The following TSPAN18 variants were observed in gnomAD, a reference collection of about 807,000 sequenced individuals.
The protein encoded by TSPAN18 is tetraspanin-18.
In TSPAN18, 14 loss-of-function variants were observed where a neutral mutation model predicts 27.3. That is an observed-to-expected ratio of 0.51 (90% CI 0.34 to 0.80). TSPAN18 has a LOEUF of 0.80. Ranked by LOEUF, TSPAN18 falls within the 30% of genes least tolerant of loss-of-function variation. The pLI is 0.01. For synonymous variants in TSPAN18, 143 were observed against 136.5 expected, an observed-to-expected ratio of 1.05 and a Z score of -0.33; for missense variants, 268 against 323.9, an observed-to-expected ratio of 0.83 and a Z score of 1.32.
intron 1 of TSPAN18, among the ~76,000 whole-genome samples, chr11:44,735,423 A>G (rs75408145): frequency 0.059 from 8,984 of 152,270 alleles, 671 homozygotes; most frequent in African/African-American, 0.18. Context: ...TGGCAGGAAC[A>G]TGCTCTGTCT....
At chr11:44,796,776 C>G (rs1022377941) in intron 2 of TSPAN18, among the ~76,000 whole-genome samples, 3 of 152,158 alleles carry the variant, frequency 2.0e-5, no homozygotes, top group Non-Finnish European at 2.9e-5. Context: ...GGCTTCTGCT[C>G]TGGCTGGAGC....
chr11:44,828,680 T>G (rs1857094608), intron 2 of TSPAN18, among the ~76,000 whole-genome samples: 1 of 152,214 alleles, frequency 6.6e-6, no homozygotes, highest in Admixed American at 6.5e-5. Context: ...CTTTACTGAC[T>G]TAACAGCTTC....
intron 3 of TSPAN18, among the ~76,000 whole-genome samples, chr11:44,871,058 AAG>A (rs1375871565): frequency 6.6e-6 from 1 of 152,148 alleles, no homozygotes; most frequent in Non-Finnish European, 1.5e-5. Context: ...GCTTGTAGGG[AAG>A]AGTTTCCAGG....
At chr11:44,850,146 C>T (rs1857566903) in intron 2 of TSPAN18, among the ~76,000 whole-genome samples, 1 of 152,200 alleles carries the variant, frequency 6.6e-6, no homozygotes, top group Non-Finnish European at 1.5e-5. Context: ...GCCGCTCCTG[C>T]TCCCCAGGGC....
chr11:44,839,071 A>G (rs879701164), intron 2 of TSPAN18, among the ~76,000 whole-genome samples: 5 of 152,226 alleles, frequency 3.3e-5, no homozygotes, highest in Non-Finnish European at 7.3e-5. Flanking sequence ...AGGCAGGAAG[A>G]GCAAAAATGG....
At chr11:44,908,056 GAA>G (rs386373739) in intron 4 of TSPAN18, among the ~76,000 whole-genome samples, 3 of 124,966 alleles carry the variant, frequency 2.4e-5, no homozygotes, top group South Asian at 2.7e-4. Flanking sequence ...CTCCGTCTCA[GAA>G]AAAAAAAAAA....
intron 2 of TSPAN18, among the ~76,000 whole-genome samples, chr11:44,774,549 G>A (rs886578584): frequency 2.0e-5 from 3 of 152,208 alleles, no homozygotes; most frequent in African/African-American, 7.2e-5. Context: ...CTGCCTGGAG[G>A]TCCCTGTGGT....
chr11:44,851,191 A>G (rs1443435488), intron 2 of TSPAN18, among the ~76,000 whole-genome samples: 1 of 152,218 alleles, frequency 6.6e-6, no homozygotes, highest in Non-Finnish European at 1.5e-5. Flanking sequence ...CGTTCATCAC[A>G]CACAGCCTGA....
chr11:44,845,199 C>T (rs1474573172), intron 2 of TSPAN18, among the ~76,000 whole-genome samples: 1 of 152,184 alleles, frequency 6.6e-6, no homozygotes, highest in Non-Finnish European at 1.5e-5. Flanking sequence ...TTTGGGCATT[C>T]AAAGTCGAAT....
At chr11:44,862,992 C>T (rs74913989) in intron 3 of TSPAN18, among the ~76,000 whole-genome samples, 2 of 152,250 alleles carry the variant, frequency 1.3e-5, no homozygotes, top group East Asian at 3.9e-4. Flanking sequence ...CCCAGGCATT[C>T]GTCATTCATT....
intron 3 of TSPAN18, among the ~76,000 whole-genome samples, chr11:44,890,001 G>A (rs1858790451): frequency 6.6e-6 from 1 of 152,198 alleles, no homozygotes; most frequent in African/African-American, 2.4e-5. Flanking sequence ...GATGGCCACG[G>A]TCCTGCCCCA....
chr11:44,817,894 G>T (rs1435094463), intron 2 of TSPAN18, among the ~76,000 whole-genome samples: 1 of 152,228 alleles, frequency 6.6e-6, no homozygotes, highest in Non-Finnish European at 1.5e-5. Context: ...AGGCACTTCT[G>T]CCAGTGTGGT....
chr11:44,877,428 C>G (rs978104753), intron 3 of TSPAN18, among the ~76,000 whole-genome samples: 1 of 152,146 alleles, frequency 6.6e-6, no homozygotes, highest in East Asian at 1.9e-4. Flanking sequence ...ATCTCAGGGT[C>G]CATTCCTTGG....
At chr11:44,886,287 A>G (rs913389577) in intron 3 of TSPAN18, 1 of 152,232 alleles carries the variant, frequency 6.6e-6, no homozygotes, top group African/African-American at 2.4e-5. Context: ...AGAGCTGAGA[A>G]AGCTCATTGC....
chr11:44,782,599 A>G (rs1855964609), intron 2 of TSPAN18, among the ~76,000 whole-genome samples: 1 of 152,008 alleles, frequency 6.6e-6, no homozygotes, highest in Non-Finnish European at 1.5e-5. Flanking sequence ...TGTTTTCCAA[A>G]ATGCTTGTAT....
rs549566560 is a variant in TSPAN18 at position 44,921,674 on chromosome 11, C to T, written c.615+1675C>T. ...CCACGTACAGTTCCATGGCATACAG[C>T]GGCCACCATAGCGTGGGGTTTATGT... On this transcript the variant is annotated intron_variant, in intron 8 of 9. Transcript: ENST00000520358. Among the ~76,000 whole-genome samples, 6 of 152,284 alleles carry T rather than the reference C, an allele frequency of 3.9e-5. No homozygotes were observed. The South Asian group carries it at 6.2e-4, about 16-fold the overall frequency.
Position 44,868,615 on chromosome 11 carries a change from G to A in TSPAN18, c.-11+8146G>A, listed in dbSNP as rs147591767. Among the ~76,000 whole-genome samples the A allele has an allele frequency of 1.5e-3, 229 of 152,268 alleles. 1 individual carries two copies. Among genetic ancestry groups the A allele is most frequent in the African/African-American group, 4.9e-3 (203 of 41,546 alleles). On this transcript the variant is annotated intron_variant, in intron 3 of 9. Transcript: ENST00000520358. Reference sequence around the variant, plus strand: ...GGCACAGCTTAGGGAATGGGGACTCGCCTCTCCCAGGATCAGGGCTCTTGC... The same window carrying A: ...GGCACAGCTTAGGGAATGGGGACTCACCTCTCCCAGGATCAGGGCTCTTGC...
chr11:44,889,227 G>A (rs1348593294), intron 3 of TSPAN18, among the ~76,000 whole-genome samples: 2 of 152,236 alleles, frequency 1.3e-5, no homozygotes, highest in Non-Finnish European at 2.9e-5. Context: ...TAGGAAGTGG[G>A]CCCAAGAGGA....
chr11:44,910,919 C>T (rs1378497696), intron 5 of TSPAN18, among the ~76,000 whole-genome samples: 1 of 152,194 alleles, frequency 6.6e-6, no homozygotes, highest in Non-Finnish European at 1.5e-5. Context: ...CCAGAGCAGC[C>T]ATGTCTTCTT....
Sources: gnomAD v4.1 joint callset for allele counts (sites outside exome capture counted in the v4.1 genomes callset) on GRCh38, gnomAD v4.1.1 for gene constraint, MANE v1.5 for transcripts, NCBI Gene and HGNC (gene_info 2026-07-23, HGNC 2026-07-21) for gene names.